Variants in CDK12 observed in about 807,000 individuals in gnomAD.
The protein encoded by CDK12 is cyclin dependent kinase 12.
In CDK12, 17 loss-of-function variants were observed where a neutral mutation model predicts 133.8. The observed-to-expected ratio is 0.13, with a 90% confidence interval of 0.09 to 0.19. The LOEUF is 0.19. Among genes scored for constraint, CDK12 ranks in the 10% least tolerant of loss-of-function variants. The probability of loss-of-function intolerance (pLI) is 1.00; values close to 1 mark genes in which losing one functional copy is unlikely to be tolerated. For synonymous variants in CDK12, 694 were observed against 683.6 expected (o/e 1.02, Z -0.24); for missense variants, 1,508 against 1,818.7 (o/e 0.83, Z 3.11).
chr17:39,488,860 C>A (rs1211459609), intron 2 of CDK12, among the ~76,000 whole-genome samples: 3 of 151,938 alleles, frequency 2.0e-5, no homozygotes, highest in African/African-American at 4.8e-5. Context: ...AAATGATGCT[C>A]CCACCCCAGG....
rs2144880607 is a variant in CDK12 at position 39,462,528 on chromosome 17, C to A, written c.457C>A (p.Arg153Ser). ...MKDRISGSSKRSNEETDDYGK... is the reference protein window; with the variant it reads ...MKDRISGSSKSSNEETDDYGK... ...GGACCGGATATCGGGAAGTTCAAAG[C>A]GTTCGAATGAGGAGACTGATGACTA... The change falls in exon 1 of 14, where the codon CGT (arginine) becomes AGT (serine). Residue 153 changes from arginine (R) to serine (S), a missense_variant. Physicochemically the swap from Arg to Ser is moderately radical, Grantham distance 110. Around this residue, in one of 9 missense-constraint regions of CDK12, gnomAD observed 460 missense variants for 490.8 expected, o/e 0.94. Transcript: ENST00000447079. 1 of 1,614,138 alleles carries A rather than the reference C, an allele frequency of 6.2e-7. No individual in the cohort carries two copies. Among genetic ancestry groups the A allele is most frequent in the Non-Finnish European group, 8.5e-7 (1 of 1,180,034 alleles).
chr17:39,517,347 C>T (rs2053877601), intron 9 of CDK12, 93 bp from the exon 10 acceptor site: 2 of 740,576 alleles, frequency 2.7e-6, no homozygotes, highest in Non-Finnish European at 4.8e-6. Flanking sequence ...ATTCCCCAGA[C>T]CTCAGGAGGT....
intron 9 of CDK12, 95 bp from the exon 10 acceptor site, chr17:39,517,345 G>C (rs747955769): frequency 1.4e-6 from 1 of 718,894 alleles, no homozygotes; most frequent in Non-Finnish European, 2.5e-6. Context: ...AGATTCCCCA[G>C]ACCTCAGGAG....
intron 8 of CDK12, 72 bp from the exon 9 acceptor site, chr17:39,515,658 TA>T: frequency 1.1e-6 from 1 of 948,476 alleles, no homozygotes; most frequent in Non-Finnish European, 1.7e-6. Context: ...ATCAATAATG[TA>T]AAAATTTTTT....
chr17:39,482,634 T>G (rs909515467), intron 2 of CDK12, among the ~76,000 whole-genome samples: 28 of 89,484 alleles, frequency 3.1e-4, no homozygotes, highest in African/African-American at 8.6e-4. Flanking sequence ...GCAGAGTGTC[T>G]CTCTGTCACC....
intron 2 of CDK12, among the ~76,000 whole-genome samples, chr17:39,473,775 C>T (rs2049980753): frequency 6.6e-6 from 1 of 152,046 alleles, no homozygotes; most frequent in Non-Finnish European, 1.5e-5. Flanking sequence ...GTCCCAGCTA[C>T]TCGGGAGGCT....
intron 2 of CDK12, among the ~76,000 whole-genome samples, chr17:39,473,242 C>T (rs1427893777): frequency 1.3e-5 from 2 of 151,474 alleles, no homozygotes; most frequent in Non-Finnish European, 2.9e-5. Context: ...AGGGTCCAAA[C>T]TAGGATTATT....
rs1213012766 is a variant in CDK12 at position 39,533,179 on chromosome 17, ATTTC to A, written c.*1867_*1870del. On this transcript the variant is annotated 3_prime_UTR_variant, in exon 14 of 14. Coordinates refer to ENST00000447079, the MANE Select transcript of CDK12 (RefSeq NM_016507.4). ...GATATAGCTAGATATCGGTGTGTGTATTTCTTTATTATTCTCTGGTTTTTGATCT... is the reference window on the plus strand; with the variant it reads ...GATATAGCTAGATATCGGTGTGTGTATTTATTATTCTCTGGTTTTTGATCT... 6 of 232,426 alleles carry A rather than the reference ATTTC, an allele frequency of 2.6e-5. No homozygotes were observed. Among genetic ancestry groups the A allele is most frequent in the Admixed American group, 1.1e-4 (2 of 17,736 alleles). 14.4% of individuals were successfully genotyped at this position (232,426 alleles called of 1,614,324 possible).
chr17:39,515,814 G>A lies in CDK12; in HGVS notation c.2846+6G>A, dbSNP rs1175838148. The A allele has an allele frequency of 1.2e-6, 2 of 1,604,936 alleles. No individual in the cohort carries two copies. The highest frequency in any genetic ancestry group is 1.7e-6 in the Non-Finnish European group (2 of 1,173,740). The stretch of plus-strand genomic sequence containing the variant: ...GCTCAGCTAGAACTGATCAGGTACA[G>A]CTGTACATGTGCTCTTGAGTGCCCA... On this transcript the variant is annotated splice_donor_region_variant and intron_variant, in intron 9 of 13. Coordinates refer to ENST00000447079, the MANE Select transcript of CDK12 (RefSeq NM_016507.4).
chr17:39,484,245 G>A (rs956959692), intron 2 of CDK12, among the ~76,000 whole-genome samples: 2 of 152,082 alleles, frequency 1.3e-5, no homozygotes, highest in Non-Finnish European at 2.9e-5. Context: ...TAAAAGTTTG[G>A]CAGTCCTAGA....
chr17:39,495,295 C>G lies in CDK12; in HGVS notation c.2419+601C>G, dbSNP rs2051988815. On this transcript the variant is annotated intron_variant, in intron 5 of 13. Coordinates refer to ENST00000447079, the MANE Select transcript of CDK12 (RefSeq NM_016507.4). ...GTTTCGCTATGTTCGTCGAGCTGGT[C>G]TCACACTCCTGACCTCAAGTCATCC... 2.0e-5 allele frequency among the ~76,000 whole-genome samples: 3 copies of G among 150,224 alleles called. No individual in the cohort carries two copies. In the Admixed American group the frequency reaches 2.0e-4, roughly 10 times the overall value.
intron 3 of CDK12, among the ~76,000 whole-genome samples, chr17:39,563,403 C>G (rs2056453193): frequency 6.7e-6 from 1 of 150,094 alleles, no homozygotes; most frequent in Non-Finnish European, 1.5e-5. Flanking sequence ...CTCTCTCTCT[C>G]TCTCTTTTTA....
intron 3 of CDK12, among the ~76,000 whole-genome samples, chr17:39,559,413 C>T (rs1043909203): frequency 2.0e-5 from 3 of 152,184 alleles, no homozygotes; most frequent in African/African-American, 7.2e-5. Context: ...TCCACCACTA[C>T]AGTCAAGAAG....
intron 6 of CDK12, among the ~76,000 whole-genome samples, chr17:39,508,324 G>A (rs1377970934): frequency 6.6e-6 from 1 of 152,146 alleles, no homozygotes; most frequent in Non-Finnish European, 1.5e-5. Flanking sequence ...CTATAAGACA[G>A]TGAGCTGGCT....
At chr17:39,509,500 G>A (rs2053349225) in intron 6 of CDK12, among the ~76,000 whole-genome samples, 1 of 152,172 alleles carries the variant, frequency 6.6e-6, no homozygotes, top group South Asian at 2.1e-4. Flanking sequence ...TAATTAGGGG[G>A]ATTGAGTGTT....
chr17:39,527,210 A>G (rs758696717), intron 13 of CDK12, among the ~76,000 whole-genome samples: 1 of 152,232 alleles, frequency 6.6e-6, no homozygotes, highest in African/African-American at 2.4e-5. Flanking sequence ...CACATTTCAT[A>G]TGAGGTGGTG....
downstream of CDK12, among the ~76,000 whole-genome samples, chr17:39,538,729 T>C (rs2055259360): frequency 6.6e-6 from 1 of 152,102 alleles, no homozygotes; most frequent in African/African-American, 2.4e-5. Flanking sequence ...AAACCCCATC[T>C]CTACTAAAAA....
At chr17:39,492,630 C>T (rs562154965) in intron 3 of CDK12, 121 bp from the exon 4 acceptor site, 9 of 643,736 alleles carry the variant, frequency 1.4e-5, no homozygotes, top group African/African-American at 7.4e-5. Flanking sequence ...AGGATAGTCT[C>T]GATCTCCTGA....
chr17:39,551,352 G>C (rs549194043), intron 2 of CDK12, among the ~76,000 whole-genome samples: 21 of 152,146 alleles, frequency 1.4e-4, no homozygotes, highest in Middle Eastern at 3.4e-3. Flanking sequence ...TTGCTTCCAA[G>C]TACACAAATC....
Sources: allele counts gnomAD v4.1 joint callset (sites outside exome capture counted in the v4.1 genomes callset), GRCh38; gene constraint gnomAD v4.1.1; regional missense constraint gnomAD v4.1.1; transcripts MANE v1.5; gene names NCBI Gene and HGNC (gene_info 2026-07-23, HGNC 2026-07-21).